Variants in WWOX observed in about 807,000 individuals in gnomAD.
WWOX encodes the protein WW domain containing oxidoreductase, also known as WW domain-containing oxidoreductase.
WWOX carries 69 observed loss-of-function variants against 46.2 expected under a neutral mutation model. The ratio of observed to expected loss-of-function variants is 1.49; its 90% CI spans 1.23 to 1.82. The LOEUF is 1.82. Ranked by LOEUF, WWOX falls within the 40% of genes most tolerant of loss-of-function variation. The pLI, the probability that WWOX is intolerant of heterozygous loss-of-function variation, is 0.00. For synonymous variants in WWOX, 359 were observed against 202.6 expected (o/e 1.77, Z -6.56); for missense variants, 919 against 542.6 (o/e 1.69, Z -6.89).
rs571180465 is a variant in WWOX at position 78,774,689 on chromosome 16, G to T, written c.1056+341937G>T. On this transcript the variant is annotated intron_variant, in intron 8 of 8. Coordinates refer to ENST00000566780, the MANE Select transcript of WWOX (RefSeq NM_016373.4). ...TCCTTGAAAGACTCATTGTCTGTGT[G>T]GGGGGAGGGGAGGCTGTACATGTCC... 2.6e-4 allele frequency among the ~76,000 whole-genome samples: 39 copies of T among 152,074 alleles called. No individual in the cohort carries two copies. The South Asian group carries it at 2.7e-3, about 11-fold the overall frequency.
intron 8 of WWOX, among the ~76,000 whole-genome samples, chr16:78,849,556 A>G (rs2052388089): frequency 7.2e-6 from 1 of 139,022 alleles, no homozygotes; most frequent in Non-Finnish European, 1.5e-5. Flanking sequence ...CCTGGGTGAC[A>G]GAGCCTGAAT....
intron 4 of WWOX, among the ~76,000 whole-genome samples, chr16:78,143,895 C>T (rs562759774): frequency 6.7e-4 from 101 of 151,538 alleles, no homozygotes; most frequent in African/African-American, 2.2e-3. Context: ...CTTCACGTTT[C>T]GGATCAGCTT....
chr16:78,917,252 C>G (rs1416754681), intron 8 of WWOX, among the ~76,000 whole-genome samples: 3 of 152,202 alleles, frequency 2.0e-5, no homozygotes, highest in Non-Finnish European at 2.9e-5. Context: ...AGCTCACGAA[C>G]TGAGAGTCAG....
chr16:78,790,905 G>C lies in WWOX; in HGVS notation c.1056+358153G>C, dbSNP rs533799238. Among the ~76,000 whole-genome samples the C allele has an allele frequency of 8.0e-5, 12 of 150,212 alleles. No individual in the cohort carries two copies. The South Asian group carries it at 2.3e-3, about 29-fold the overall frequency. ...GTTTTGGTGCTTGCTTGTGGTCCCA[G>C]CTACTCAGGAGGCTGAGGTGGGAGG... On this transcript the variant is annotated intron_variant, in intron 8 of 8. Transcript: ENST00000566780.
chr16:79,147,026 G>C (rs7191404), intron 8 of WWOX, among the ~76,000 whole-genome samples: 57,919 of 151,980 alleles, frequency 0.38, 12,265 homozygotes, highest in African/African-American at 0.57. Flanking sequence ...CAAAACAATT[G>C]TGCAATATCA....
intron 8 of WWOX, among the ~76,000 whole-genome samples, chr16:78,918,426 C>G (rs1597149452): frequency 6.6e-6 from 1 of 151,970 alleles, no homozygotes; most frequent in East Asian, 1.9e-4. Context: ...TGTCCTATCC[C>G]TTTATTTTCT....
At position 78,909,237 on chromosome 16, in the gene WWOX, T is replaced by C. The variant is rs189677280; in HGVS notation, c.1057-302371T>C. Among the ~76,000 whole-genome samples, 221 of 152,336 alleles carry C rather than the reference T, an allele frequency of 1.5e-3. 2 individuals carry two copies. The highest frequency in any genetic ancestry group is 5.1e-3 in the African/African-American group (213 of 41,576). ...TAACAGCCAGTCGTTCATGTTTCCT[T>C]GTGCCACGTGATTATTTTGTACAGT... On this transcript the variant is annotated intron_variant, in intron 8 of 8. Coordinates refer to ENST00000566780, the MANE Select transcript of WWOX (RefSeq NM_016373.4).
At chr16:79,059,331 T>G (rs184673727) in intron 8 of WWOX, among the ~76,000 whole-genome samples, 3 of 152,338 alleles carry the variant, frequency 2.0e-5, no homozygotes, top group Admixed American at 6.5e-5. Context: ...GTGAGCACAT[T>G]AACTATATCG....
chr16:78,106,411 GTTTTTTTTTGTT>G (rs1240452140), intron 1 of WWOX, among the ~76,000 whole-genome samples: 4 of 123,684 alleles, frequency 3.2e-5, no homozygotes, highest in South Asian at 2.7e-4. Flanking sequence ...AGTCAGAACG[GTTTTTTTTTGTT>G]TTTTTTTTTT....
At chr16:78,761,825 G>A (rs1453377574) in intron 8 of WWOX, among the ~76,000 whole-genome samples, 2 of 152,148 alleles carry the variant, frequency 1.3e-5, no homozygotes, top group Non-Finnish European at 2.9e-5. Context: ...AAATCATGCA[G>A]TAAAGCTGAC....
rs545024228 is a variant in WWOX at position 78,495,321 on chromosome 16, A to G, written c.1056+62569A>G. 2.0e-5 allele frequency among the ~76,000 whole-genome samples: 3 copies of G among 151,672 alleles called. No individual in the cohort carries two copies. In the East Asian group the frequency reaches 5.8e-4, roughly 30 times the overall value. On this transcript the variant is annotated intron_variant, in intron 8 of 8. Coordinates refer to ENST00000566780, the MANE Select transcript of WWOX (RefSeq NM_016373.4). ...ACACCCAGCTAATTTTTGTATTTTT[A>G]GTATAGACGGGGTTTCACCATGTTA...
intron 8 of WWOX, among the ~76,000 whole-genome samples, chr16:79,071,177 G>A (rs536901478): frequency 1.3e-5 from 2 of 152,296 alleles, no homozygotes; most frequent in Non-Finnish European, 2.9e-5. Context: ...ACTTTCTTCT[G>A]ATGAACACAG....
At chr16:78,612,622 C>T (rs943743537) in intron 8 of WWOX, among the ~76,000 whole-genome samples, 1 of 152,128 alleles carries the variant, frequency 6.6e-6, no homozygotes, top group Non-Finnish European at 1.5e-5. Flanking sequence ...CAGTTGTGCA[C>T]TACCACACCT....
At chr16:78,437,680 T>C (rs1000501563) in intron 8 of WWOX, among the ~76,000 whole-genome samples, 1 of 152,178 alleles carries the variant, frequency 6.6e-6, no homozygotes, top group African/African-American at 2.4e-5. Flanking sequence ...AAATCACAGA[T>C]AAACTTGGAA....
At chr16:78,722,170 G>A (rs2048707988) in intron 8 of WWOX, among the ~76,000 whole-genome samples, 1 of 152,132 alleles carries the variant, frequency 6.6e-6, no homozygotes, top group South Asian at 2.1e-4. Flanking sequence ...CTCACTCCCT[G>A]TCTGTCCAGT....
Position 78,988,998 on chromosome 16 carries a change from G to C in WWOX, c.1057-222610G>C, listed in dbSNP as rs547500008. Among the ~76,000 whole-genome samples the C allele has an allele frequency of 2.0e-5, 3 of 152,310 alleles. 1 individual carries two copies. The East Asian group carries it at 5.8e-4, about 29-fold the overall frequency. ...ATTCCTGAGTTCCTGTACAACCTGA[G>C]TTCTCTGTTAAAACAAGGAGGAAGT... On this transcript the variant is annotated intron_variant, in intron 8 of 8. Coordinates refer to ENST00000566780, the MANE Select transcript of WWOX (RefSeq NM_016373.4).
intron 8 of WWOX, among the ~76,000 whole-genome samples, chr16:78,695,110 C>G (rs1465702857): frequency 6.6e-6 from 1 of 152,010 alleles, no homozygotes; most frequent in Non-Finnish European, 1.5e-5. Context: ...TGTTACTACT[C>G]GTGGGATTAC....
At chr16:78,868,679 T>C (rs1310704125) in intron 8 of WWOX, among the ~76,000 whole-genome samples, 2 of 152,160 alleles carry the variant, frequency 1.3e-5, no homozygotes, top group Admixed American at 1.3e-4. Context: ...CAAGAGTCAC[T>C]CTGAGATTGA....
rs1415112943 is a variant in WWOX at position 78,825,975 on chromosome 16, C to T, written c.1057-385633C>T. 17 of 771,598 alleles carry T rather than the reference C, an allele frequency of 2.2e-5. No individual in the cohort carries two copies. The South Asian group carries it at 3.7e-4, about 17-fold the overall frequency. 47.8% of individuals were successfully genotyped at this position (771,598 alleles called of 1,614,324 possible). On this transcript the variant is annotated intron_variant, in intron 8 of 8. Coordinates refer to ENST00000566780, the MANE Select transcript of WWOX (RefSeq NM_016373.4). ...CAGAAGGGTGGGAAGCCAGAGCCGC[C>T]TGCTATGCCCCAGCCAGTCCCCATA...
Sources: allele counts gnomAD v4.1 joint callset (sites outside exome capture counted in the v4.1 genomes callset), GRCh38; gene constraint gnomAD v4.1.1; transcripts MANE v1.5; gene names NCBI Gene and HGNC (gene_info 2026-07-23, HGNC 2026-07-21).